The following ADGRL3 variants were observed in gnomAD, a reference collection of about 807,000 sequenced individuals.
ADGRL3 encodes the protein adhesion G protein-coupled receptor L3, also known as calcium-independent alpha-latrotoxin receptor 3.
A neutral mutation model predicts 153.5 loss-of-function variants in ADGRL3; 62 were observed. The ratio of observed to expected loss-of-function variants is 0.40; its 90% CI spans 0.33 to 0.50. The LOEUF is 0.50. ADGRL3 is among the 20% of genes least tolerant of loss of function. ADGRL3 has a pLI of 0.47. For synonymous variants in ADGRL3, 710 were observed against 672.5 expected (o/e 1.06, Z -0.86); for missense variants, 1,641 against 1,859.4 (o/e 0.88, Z 2.16).
chr4:62,041,090 T>C (rs1476003852), intron 24 of ADGRL3, among the ~76,000 whole-genome samples: 1 of 152,092 alleles, frequency 6.6e-6, no homozygotes, highest in Non-Finnish European at 1.5e-5. Flanking sequence ...TTTATTTTGA[T>C]TACTTTGGAT....
intron 13 of ADGRL3, among the ~76,000 whole-genome samples, chr4:61,920,977 C>CT: frequency 6.6e-6 from 1 of 152,062 alleles, no homozygotes; most frequent in South Asian, 2.1e-4. Context: ...AATGCTTTTT[C>CT]TTTTTCTTAT....
intron 8 of ADGRL3, among the ~76,000 whole-genome samples, chr4:61,767,710 C>T (rs943497520): frequency 4.6e-5 from 7 of 152,106 alleles, no homozygotes; most frequent in Non-Finnish European, 7.3e-5. Context: ...TCCTGGGCTG[C>T]GGGTGTTCCT....
chr4:61,471,672 T>A (rs2097956176), intron 2 of ADGRL3, among the ~76,000 whole-genome samples: 1 of 151,878 alleles, frequency 6.6e-6, no homozygotes. Context: ...TGATCTGGAG[T>A]GCCATACCCT....
intron 9 of ADGRL3, among the ~76,000 whole-genome samples, chr4:61,814,838 G>A (rs899985166): frequency 1.3e-5 from 2 of 151,952 alleles, no homozygotes; most frequent in Admixed American, 1.3e-4. Flanking sequence ...CTATGTGCAC[G>A]TGTCAGTTTT....
At chr4:61,501,848 A>G (rs1437453716) in intron 3 of ADGRL3, among the ~76,000 whole-genome samples, 2 of 152,174 alleles carry the variant, frequency 1.3e-5, no homozygotes, top group Non-Finnish European at 2.9e-5. Flanking sequence ...ACAATTTTTT[A>G]AATTAGGAAA....
At chr4:61,991,239 G>A (rs1443909822) in intron 19 of ADGRL3, among the ~76,000 whole-genome samples, 3 of 151,728 alleles carry the variant, frequency 2.0e-5, no homozygotes, top group African/African-American at 7.3e-5. Context: ...CTAGAGTAGC[G>A]ATTACAATTC....
intron 17 of ADGRL3, among the ~76,000 whole-genome samples, chr4:61,960,999 C>T (rs2098985802): frequency 6.6e-6 from 1 of 152,144 alleles, no homozygotes; most frequent in Admixed American, 6.5e-5. Context: ...TGAGCCACTG[C>T]ACCTGGCCTA....
At chr4:61,959,555 A>T (rs571017500) in intron 17 of ADGRL3, among the ~76,000 whole-genome samples, 2 of 152,184 alleles carry the variant, frequency 1.3e-5, no homozygotes, top group South Asian at 4.1e-4. Flanking sequence ...TGTAGGATTG[A>T]TTCAAAACAG....
At chr4:61,475,882 A>G (rs1208693145) in intron 2 of ADGRL3, among the ~76,000 whole-genome samples, 2 of 150,904 alleles carry the variant, frequency 1.3e-5, no homozygotes, top group African/African-American at 4.9e-5. Context: ...ACAAATAAAG[A>G]TAGCCTTTAG....
At chr4:61,920,500 C>T (rs111346992) in intron 13 of ADGRL3, among the ~76,000 whole-genome samples, 117 of 152,208 alleles carry the variant, frequency 7.7e-4, no homozygotes, top group Non-Finnish European at 1.3e-3. Flanking sequence ...ATCTAATATA[C>T]GAATCTTGTA....
intron 1 of ADGRL3, among the ~76,000 whole-genome samples, chr4:61,280,934 A>G (rs1197138447): frequency 6.6e-6 from 1 of 152,136 alleles, no homozygotes; most frequent in Non-Finnish European, 1.5e-5. Flanking sequence ...CAGTCACCTA[A>G]TATGACCTAA....
intron 1 of ADGRL3, among the ~76,000 whole-genome samples, chr4:61,362,910 A>G (rs2096313524): frequency 6.6e-6 from 1 of 152,240 alleles, no homozygotes; most frequent in Non-Finnish European, 1.5e-5. Context: ...CTCCATGTCT[A>G]TTGCTAATGT....
At chr4:61,784,203 C>T (rs903038270) in intron 8 of ADGRL3, among the ~76,000 whole-genome samples, 21 of 152,110 alleles carry the variant, frequency 1.4e-4, no homozygotes, top group African/African-American at 5.1e-4. Flanking sequence ...AGAAGGAATA[C>T]CCGAATAGAC....
At chr4:61,377,040 C>G (rs890519140) in intron 1 of ADGRL3, among the ~76,000 whole-genome samples, 12 of 152,156 alleles carry the variant, frequency 7.9e-5, no homozygotes, top group Admixed American at 6.6e-4. Flanking sequence ...TCTGTTTACA[C>G]TGCCCTATTC....
intron 1 of ADGRL3, among the ~76,000 whole-genome samples, chr4:61,236,615 A>G (rs1752962894): frequency 6.6e-6 from 1 of 152,108 alleles, no homozygotes; most frequent in Non-Finnish European, 1.5e-5. Context: ...ATGAGTATGG[A>G]TCAATATGAT....
intron 17 of ADGRL3, among the ~76,000 whole-genome samples, chr4:61,954,547 C>G (rs2098958968): frequency 1.3e-5 from 2 of 152,046 alleles, no homozygotes; most frequent in Admixed American, 6.6e-5. Context: ...TCTAATGACT[C>G]CTTATCTCAG....
intron 9 of ADGRL3, 108 bp downstream of exon 9, chr4:61,813,997 G>A: frequency 4.9e-6 from 7 of 1,414,688 alleles, no homozygotes; most frequent in East Asian, 2.5e-5. Flanking sequence ...CAAAAAGCAG[G>A]GGTAAAATGA....
chr4:61,997,603 T>TAACA (rs2099126206), intron 20 of ADGRL3, among the ~76,000 whole-genome samples: 1 of 152,188 alleles, frequency 6.6e-6, no homozygotes, highest in Non-Finnish European at 1.5e-5. Flanking sequence ...TTTTCTGTTT[T>TAACA]GTTTTGTTTC....
chr4:61,250,514 A>G (rs527431032), intron 1 of ADGRL3, among the ~76,000 whole-genome samples: 7 of 152,294 alleles, frequency 4.6e-5, no homozygotes, highest in African/African-American at 1.2e-4. Flanking sequence ...AGGAGCTCCT[A>G]TAATCTATAC....
Sources: allele counts gnomAD v4.1 joint callset (sites outside exome capture counted in the v4.1 genomes callset), GRCh38; gene constraint gnomAD v4.1.1; transcripts MANE v1.5; gene names NCBI Gene and HGNC (gene_info 2026-07-23, HGNC 2026-07-21).